ISM1: variants seen among roughly 807,000 people sequenced by gnomAD.
ISM1 encodes isthmin 1.
In ISM1, 25 loss-of-function variants were observed where a neutral mutation model predicts 46.3. That is an observed-to-expected ratio of 0.54 (90% CI 0.39 to 0.75). The LOEUF (loss-of-function observed/expected upper bound fraction) is 0.75. ISM1 is among the 30% of genes least tolerant of loss of function. The pLI, the probability that ISM1 is intolerant of heterozygous loss-of-function variation, is 0.00. For missense variants in ISM1, 536 were observed against 625.4 expected (o/e 0.86, Z 1.52); for synonymous variants, 255 against 256.7 (o/e 0.99, Z 0.06).
At chr20:13,325,287 C>T in the ISM1 span, among the ~76,000 whole-genome samples, 2 of 152,152 alleles carry the variant, frequency 1.3e-5, no homozygotes, top group Non-Finnish European at 2.9e-5. Context: ...TTCTGAAATG[C>T]GAGGTTGCAC....
rs566281609 is a variant in ISM1 at position 13,254,824 on chromosome 20, G to A, written c.139-15680G>A. On this transcript the variant is annotated intron_variant, in intron 1 of 5. Coordinates refer to ENST00000262487, the MANE Select transcript of ISM1 (RefSeq NM_080826.2). The stretch of plus-strand genomic sequence containing the variant: ...ACATCCCAGAATCCACACATGGTTC[G>A]AGAGATGTAGGAGGAGTCAACTGTG... Among the ~76,000 whole-genome samples the A allele has an allele frequency of 8.5e-5, 13 of 152,328 alleles. No individual in the cohort carries two copies. The East Asian group carries it at 1.9e-3, about 23-fold the overall frequency.
At chr20:13,306,304 G>C in the ISM1 span, among the ~76,000 whole-genome samples, 1 of 151,996 alleles carries the variant, frequency 6.6e-6, no homozygotes, top group African/African-American at 2.4e-5. Context: ...TTTCACAAAG[G>C]TCATAGCTAA....
intron 1 of ISM1, among the ~76,000 whole-genome samples, chr20:13,253,970 C>T (rs968436071): frequency 4.0e-5 from 6 of 151,176 alleles, no homozygotes; most frequent in Non-Finnish European, 4.4e-5. Flanking sequence ...ATAATCCCAG[C>T]ACCTTGGGAG....
At chr20:13,222,536 C>T (rs1165821719) in intron 1 of ISM1, among the ~76,000 whole-genome samples, 1 of 152,012 alleles carries the variant, frequency 6.6e-6, no homozygotes, top group Non-Finnish European at 1.5e-5. Context: ...GGGGAAGGTG[C>T]AGAGTGAAGG....
intron 2 of ISM1, among the ~76,000 whole-genome samples, chr20:13,277,978 G>A (rs969453403): frequency 1.3e-5 from 2 of 152,158 alleles, no homozygotes; most frequent in African/African-American, 4.8e-5. Context: ...TCAGGGATGG[G>A]CACGCCCTGG....
chr20:13,254,794 C>A (rs1185546475), intron 1 of ISM1, among the ~76,000 whole-genome samples: 4 of 152,246 alleles, frequency 2.6e-5, no homozygotes, highest in African/African-American at 9.6e-5. Flanking sequence ...TCTTCTCATC[C>A]TTCCACATCC....
chr20:13,247,241 A>G (rs910710481), intron 1 of ISM1, among the ~76,000 whole-genome samples: 1 of 152,188 alleles, frequency 6.6e-6, no homozygotes, highest in Non-Finnish European at 1.5e-5. Flanking sequence ...TCAAAAAAAA[A>G]ATAAGAAGAG....
At chr20:13,309,919 C>T in the ISM1 span, among the ~76,000 whole-genome samples, 2 of 151,988 alleles carry the variant, frequency 1.3e-5, no homozygotes, top group Non-Finnish European at 2.9e-5. Context: ...AAGTATAAAA[C>T]ATCAATGAAA....
At chr20:13,266,314 T>G (rs1398136920) in intron 1 of ISM1, among the ~76,000 whole-genome samples, 1 of 152,172 alleles carries the variant, frequency 6.6e-6, no homozygotes, top group East Asian at 1.9e-4. Context: ...ACTATTCCTG[T>G]TTTTGATAAG....
At chr20:13,285,905 G>A (rs4814214) in intron 3 of ISM1, among the ~76,000 whole-genome samples, 58,699 of 151,968 alleles carry the variant, frequency 0.39, 11,409 homozygotes, top group East Asian at 0.44. Flanking sequence ...TCTACATTGC[G>A]ATAATGGAGA....
intron 1 of ISM1, among the ~76,000 whole-genome samples, chr20:13,254,392 G>A (rs2039903448): frequency 6.6e-6 from 1 of 152,048 alleles, no homozygotes; most frequent in African/African-American, 2.4e-5. Flanking sequence ...ATTTGACTTT[G>A]AAGAAAAGCA....
At chr20:13,297,600 G>A (rs2040419491) in intron 5 of ISM1, among the ~76,000 whole-genome samples, 2 of 152,230 alleles carry the variant, frequency 1.3e-5, no homozygotes, top group South Asian at 4.1e-4. Flanking sequence ...AAAGGATCAA[G>A]TAGGAGCTGT....
intron 3 of ISM1, among the ~76,000 whole-genome samples, chr20:13,285,586 C>T (rs767173747): frequency 3.3e-5 from 5 of 152,140 alleles, no homozygotes; most frequent in Non-Finnish European, 5.9e-5. Flanking sequence ...ACGGAATGCA[C>T]GGGCACTTTG....
At chr20:13,281,278 A>G (rs1328289834) in intron 3 of ISM1, among the ~76,000 whole-genome samples, 1 of 152,204 alleles carries the variant, frequency 6.6e-6, no homozygotes, top group African/African-American at 2.4e-5. Flanking sequence ...GCCATGGTAG[A>G]GATGTACATC....
chr20:13,269,602 T>G (rs1157528748), intron 1 of ISM1, among the ~76,000 whole-genome samples: 2 of 152,122 alleles, frequency 1.3e-5, no homozygotes, highest in East Asian at 3.9e-4. Flanking sequence ...TGCTGTTCCT[T>G]TTGCTAAAAT....
chr20:13,318,978 C>T, the ISM1 span, among the ~76,000 whole-genome samples: 1 of 152,164 alleles, frequency 6.6e-6, no homozygotes, highest in Non-Finnish European at 1.5e-5. Flanking sequence ...TGTCCAAACT[C>T]ATATAACTGT....
chr20:13,289,437 G>A (rs562623723), intron 4 of ISM1, among the ~76,000 whole-genome samples: 89 of 152,314 alleles, frequency 5.8e-4, no homozygotes, highest in African/African-American at 1.9e-3. Flanking sequence ...ACTTTATACT[G>A]CATTGTCAGT....
chr20:13,235,534 C>T (rs1277871040), intron 1 of ISM1, among the ~76,000 whole-genome samples: 1 of 152,128 alleles, frequency 6.6e-6, no homozygotes, highest in African/African-American at 2.4e-5. Flanking sequence ...CAGAGTCAGG[C>T]CAAGAGAAAG....
At chr20:13,272,953 T>A (rs6041978) in intron 2 of ISM1, among the ~76,000 whole-genome samples, 56,873 of 152,110 alleles carry the variant, frequency 0.37, 10,715 homozygotes, top group Middle Eastern at 0.46. Context: ...GAGGTGGGAA[T>A]GTCACTTGGG....
Sources: gnomAD v4.1 joint callset for allele counts (sites outside exome capture counted in the v4.1 genomes callset) on GRCh38, gnomAD v4.1.1 for gene constraint, MANE v1.5 for transcripts, NCBI Gene and HGNC (gene_info 2026-07-23, HGNC 2026-07-21) for gene names.